The following PRDM2 variants were observed in gnomAD, a reference collection of about 807,000 sequenced individuals.
PRDM2 encodes PR/SET domain 2, also known as PR domain zinc finger protein 2.
PRDM2 carries 30 observed loss-of-function variants against 130.0 expected under a neutral mutation model. The observed-to-expected ratio is 0.23, with a 90% CI of 0.17 to 0.31. The LOEUF (loss-of-function observed/expected upper bound fraction) is 0.31, where lower values mean the gene tolerates loss of function less well. Among genes scored for constraint, PRDM2 ranks in the 10% least tolerant of loss-of-function variants. The pLI is 1.00. For missense variants in PRDM2, 2,011 were observed against 2,108.4 expected (o/e 0.95, Z 0.90); for synonymous variants, 871 against 782.4 (o/e 1.11, Z -1.89).
intron 3 of PRDM2, among the ~76,000 whole-genome samples, chr1:13,731,385 C>T (rs529177650): frequency 1.4e-4 from 21 of 152,304 alleles, no homozygotes; most frequent in African/African-American, 4.6e-4. Context: ...TGAGTGTCCT[C>T]CTCCTCTGAG....
intron 8 of PRDM2, among the ~76,000 whole-genome samples, chr1:13,792,883 G>A (rs908515985): frequency 9.2e-5 from 14 of 152,190 alleles, no homozygotes; most frequent in African/African-American, 3.1e-4. Context: ...TAACCGAGTC[G>A]GAGAGAGGCA....
At chr1:13,701,226 A>G (rs1642064740) in intron 1 of PRDM2, among the ~76,000 whole-genome samples, 1 of 150,612 alleles carries the variant, frequency 6.6e-6, no homozygotes, top group African/African-American at 2.4e-5. Flanking sequence ...TGAGACGTGG[A>G]ACGTCTTTTG....
chr1:13,778,356 T>G (rs1328838330), intron 7 of PRDM2, 62 bp from the exon 8 acceptor site: 2 of 1,467,302 alleles, frequency 1.4e-6, no homozygotes, highest in Admixed American at 2.3e-5. Flanking sequence ...ATTCAGATTG[T>G]TCACCAAGTA....
intron 5 of PRDM2, among the ~76,000 whole-genome samples, chr1:13,748,009 A>G (rs1643667312): frequency 6.6e-6 from 1 of 152,134 alleles, no homozygotes; most frequent in Non-Finnish European, 1.5e-5. Flanking sequence ...GTCTTTTATA[A>G]CCTTTCAGTT....
At chr1:13,761,918 T>A (rs1019199595) in intron 6 of PRDM2, among the ~76,000 whole-genome samples, 5 of 152,180 alleles carry the variant, frequency 3.3e-5, no homozygotes, top group African/African-American at 1.2e-4. Flanking sequence ...TATAATAATA[T>A]CTGGGTGGGA....
chr1:13,796,937 C>A (rs1180485746), intron 8 of PRDM2, among the ~76,000 whole-genome samples: 1 of 152,144 alleles, frequency 6.6e-6, no homozygotes, highest in Non-Finnish European at 1.5e-5. Flanking sequence ...GGGAACGAAA[C>A]AAAAGTTTGG....
intron 6 of PRDM2, among the ~76,000 whole-genome samples, chr1:13,760,167 A>G (rs1644060890): frequency 6.6e-6 from 1 of 152,186 alleles, no homozygotes; most frequent in Admixed American, 6.5e-5. Context: ...AAATCAAGAA[A>G]AAGTGATACT....
intron 2 of PRDM2, among the ~76,000 whole-genome samples, chr1:13,723,166 C>G (rs998526879): frequency 3.2e-4 from 49 of 152,322 alleles, no homozygotes; most frequent in African/African-American, 1.0e-3. Flanking sequence ...TAATACATGA[C>G]TCATTTTCAT....
At chr1:13,708,016 A>G (rs1210632443) in intron 1 of PRDM2, among the ~76,000 whole-genome samples, 2 of 152,194 alleles carry the variant, frequency 1.3e-5, no homozygotes, top group African/African-American at 2.4e-5. Context: ...ACTTAGGTGT[A>G]TAAATTTAAT....
At chr1:13,766,322 T>A (rs1453600484) in intron 6 of PRDM2, among the ~76,000 whole-genome samples, 1 of 152,186 alleles carries the variant, frequency 6.6e-6, no homozygotes, top group Non-Finnish European at 1.5e-5. Context: ...AGGGTGAGAT[T>A]CTAGATAGTA....
chr1:13,730,402 G>GTGACT (rs1643064643), intron 2 of PRDM2, among the ~76,000 whole-genome samples: 1 of 152,166 alleles, frequency 6.6e-6, no homozygotes. Context: ...TTGCTGTTTA[G>GTGACT]TGACTTGGTA....
intron 4 of PRDM2, among the ~76,000 whole-genome samples, chr1:13,733,764 C>T (rs1420071962): frequency 1.3e-5 from 2 of 152,114 alleles, no homozygotes; most frequent in Non-Finnish European, 2.9e-5. Flanking sequence ...GTCAGTGCCC[C>T]CTGGAAGCCC....
intron 9 of PRDM2, among the ~76,000 whole-genome samples, chr1:13,821,531 C>T (rs1210650646): frequency 1.3e-5 from 2 of 151,840 alleles, no homozygotes; most frequent in Non-Finnish European, 2.9e-5. Context: ...GGCGCAATCT[C>T]AGGTCGCTGC....
At chr1:13,804,546 A>G (rs1645058685) in intron 8 of PRDM2, among the ~76,000 whole-genome samples, 1 of 151,884 alleles carries the variant, frequency 6.6e-6, no homozygotes, top group African/African-American at 2.4e-5. Flanking sequence ...GCAAATTCTG[A>G]CTTGGAGTGG....
intron 8 of PRDM2, among the ~76,000 whole-genome samples, chr1:13,809,259 C>T (rs529468293): frequency 4.3e-4 from 65 of 152,236 alleles, no homozygotes; most frequent in African/African-American, 1.4e-3. Context: ...TTGGGAAGAC[C>T]GTCACACTTC....
At chr1:13,815,084 T>A (rs1645235387) in intron 8 of PRDM2, among the ~76,000 whole-genome samples, 1 of 152,202 alleles carries the variant, frequency 6.6e-6, no homozygotes, top group Non-Finnish European at 1.5e-5. Context: ...TGTATCACTC[T>A]TACTCAGTGG....
In PRDM2 at chr1:13,823,495, C is replaced by A. The variant is rs958770013; in HGVS notation, c.*360C>A. On this transcript the variant is annotated 3_prime_UTR_variant, in exon 10 of 10. Transcript: ENST00000311066. ...TGCAATTTTTCAAGAGCTCCTTGAC[C>A]CTGCTTTTTGCTTCTTGAGTTGTCT... 2 of 380,486 alleles carry A rather than the reference C, an allele frequency of 5.3e-6. No homozygotes were observed. The highest frequency in any genetic ancestry group is 9.5e-6 in the Non-Finnish European group (2 of 210,218). The allele number at this position is 380,486 out of a possible 1,614,324, so 23.6% of individuals were successfully genotyped here. A position where few individuals can be genotyped will look rare whatever the true frequency, so the allele number is the denominator to read the frequency against.
At chr1:13,714,219 G>A (rs1412980748) in intron 1 of PRDM2, among the ~76,000 whole-genome samples, 1 of 151,946 alleles carries the variant, frequency 6.6e-6, no homozygotes, top group African/African-American at 2.4e-5. Flanking sequence ...AGAGAAGAGG[G>A]TTGATTATGT....
At chr1:13,804,026 G>T (rs544351968) in intron 8 of PRDM2, among the ~76,000 whole-genome samples, 1 of 152,262 alleles carries the variant, frequency 6.6e-6, no homozygotes, top group East Asian at 1.9e-4. Flanking sequence ...AGATCTGGGT[G>T]TGAATCTTCC....
Sources: gnomAD v4.1 joint callset for allele counts (sites outside exome capture counted in the v4.1 genomes callset) on GRCh38, gnomAD v4.1.1 for gene constraint, MANE v1.5 for transcripts, NCBI Gene and HGNC (gene_info 2026-07-23, HGNC 2026-07-21) for gene names.